TPH2: variants seen among roughly 807,000 people sequenced by gnomAD.
TPH2 encodes the protein tryptophan 5-hydroxylase 2.
A neutral mutation model predicts 59.1 loss-of-function variants in TPH2; 27 were observed. The ratio of observed to expected loss-of-function variants is 0.46; its 90% CI spans 0.34 to 0.63. TPH2 has a LOEUF of 0.63. Among genes scored for constraint, TPH2 ranks in the 30% least tolerant of loss-of-function variants. The pLI, the probability that TPH2 is intolerant of heterozygous loss-of-function variation, is 0.01. For missense variants in TPH2, 523 were observed against 588.3 expected (o/e 0.89, Z 1.15); for synonymous variants, 220 against 210.5 (o/e 1.05, Z -0.39).
At chr12:71,990,805 A>G (rs1566146164) in intron 7 of TPH2, among the ~76,000 whole-genome samples, 1 of 152,210 alleles carries the variant, frequency 6.6e-6, no homozygotes, top group Non-Finnish European at 1.5e-5. Context: ...GTTCTTTCTC[A>G]GGGTCTCTGC....
chr12:71,979,279 G>A (rs1428725913), intron 7 of TPH2, among the ~76,000 whole-genome samples, 192 bp downstream of exon 7: 1 of 152,178 alleles, frequency 6.6e-6, no homozygotes, highest in Non-Finnish European at 1.5e-5. Flanking sequence ...GGGGGCCCCT[G>A]ATATTCCAGC....
In TPH2 at chr12:72,031,984, G is replaced by A. The variant is rs958163500; in HGVS notation, c.*289G>A. 2.4e-6 allele frequency: 1 copy of A among 418,524 alleles called. No homozygotes were observed. The highest frequency in any genetic ancestry group is 2.0e-5 in the African/African-American group (1 of 49,432). The allele number at this position is 418,524 out of a possible 1,614,324, so 25.9% of individuals were successfully genotyped here. A position where few individuals can be genotyped will look rare whatever the true frequency, so the allele number is the denominator to read the frequency against. ...ACCAAACTGCATCTAGTTAAAATTTGTAACAAATAGCCCTCTTATGAGTCT... is the reference window on the plus strand; with the variant it reads ...ACCAAACTGCATCTAGTTAAAATTTATAACAAATAGCCCTCTTATGAGTCT... On this transcript the variant is annotated 3_prime_UTR_variant, in exon 11 of 11. Transcript: ENST00000333850.
Position 71,972,561 on chromosome 12 carries a change from T to A in TPH2, c.651T>A (p.Thr217=). The change falls in exon 6 of 11, where the codon ACT becomes ACA. Residue 217 remains threonine (T), a synonymous_variant. Coordinates refer to ENST00000333850, the MANE Select transcript of TPH2 (RefSeq NM_173353.4). ...IPRVEYTEEE[T]KTWGVVFREL... ...GGGTGGAGTATACTGAAGAAGAAACTAAAACTTGGGGTGTTGTATTCCGGG... is the reference window on the plus strand; with the variant it reads ...GGGTGGAGTATACTGAAGAAGAAACAAAAACTTGGGGTGTTGTATTCCGGG... 6.2e-7 allele frequency: 1 copy of A among 1,614,134 alleles called. No individual in the cohort carries two copies. The highest frequency in any genetic ancestry group is 8.5e-7 in the Non-Finnish European group (1 of 1,179,996).
chr12:72,012,802 CT>C (rs965516128), intron 8 of TPH2, among the ~76,000 whole-genome samples: 29 of 151,454 alleles, frequency 1.9e-4, no homozygotes, highest in African/African-American at 6.5e-4. Flanking sequence ...CTTTTTTCTT[CT>C]TTTTTTTTAT....
intron 9 of TPH2, 97 bp from the exon 10 acceptor site, chr12:72,031,161 G>C: frequency 6.7e-7 from 1 of 1,487,910 alleles, no homozygotes; most frequent in Non-Finnish European, 9.4e-7. Context: ...AGCTCTGTAG[G>C]ATTACCGAGC....
intron 8 of TPH2, among the ~76,000 whole-genome samples, chr12:72,007,887 C>G (rs551285751): frequency 6.6e-6 from 1 of 152,070 alleles, no homozygotes; most frequent in South Asian, 2.1e-4. Flanking sequence ...CTAGCAAAGG[C>G]ACACTCTTAT....
intron 8 of TPH2, among the ~76,000 whole-genome samples, chr12:71,998,434 T>C (rs763573781): frequency 1.1e-4 from 16 of 152,132 alleles, no homozygotes; most frequent in Admixed American, 2.6e-4. Flanking sequence ...TGCTATTGAC[T>C]TCAAGAGCCA....
intron 7 of TPH2, among the ~76,000 whole-genome samples, chr12:71,991,981 T>TA (rs900397207): frequency 4.6e-5 from 7 of 151,974 alleles, no homozygotes; most frequent in Non-Finnish European, 7.4e-5. Context: ...GGTGAGAGTT[T>TA]AAAAAAAATG....
At chr12:71,980,471 C>A (rs1465794883) in intron 7 of TPH2, among the ~76,000 whole-genome samples, 1 of 151,912 alleles carries the variant, frequency 6.6e-6, no homozygotes. Flanking sequence ...ATAAGGCTCA[C>A]AGTCCAGGTA....
At chr12:71,987,888 T>C (rs1306922628) in intron 7 of TPH2, among the ~76,000 whole-genome samples, 1 of 152,056 alleles carries the variant, frequency 6.6e-6, no homozygotes, top group East Asian at 1.9e-4. Flanking sequence ...AGAAGAAATC[T>C]TACAATCTCC....
intron 9 of TPH2, among the ~76,000 whole-genome samples, chr12:72,022,830 T>C (rs1248677743): frequency 2.0e-5 from 3 of 152,342 alleles, no homozygotes; most frequent in African/African-American, 7.2e-5. Flanking sequence ...TCCTACTGAC[T>C]GAAATTCACT....
At position 71,941,660 on chromosome 12, in the gene TPH2, G is replaced by A; in HGVS notation, c.182G>A (p.Ser61Asn). 1 of 1,614,130 alleles carries A rather than the reference G, an allele frequency of 6.2e-7. No individual in the cohort carries two copies. Among genetic ancestry groups the A allele is most frequent in the Non-Finnish European group, 8.5e-7 (1 of 1,179,988 alleles). The change falls in exon 2 of 11, where the codon AGT becomes AAT. Residue 61 changes from serine (S) to asparagine (N), a missense_variant. Physicochemically the swap from Ser to Asn is conservative, Grantham distance 46. Transcript: ENST00000333850. ...GSSKREAATE[S>N]GKTAVVFSLK... ...AGCAAACGTGAAGCTGCTACCGAAA[G>A]TGGCAAGACAGCAGTTGTTTTCTCC...
At chr12:71,939,202 C>G (rs896992774) in intron 1 of TPH2, 111 bp downstream of exon 1, 2 of 809,206 alleles carry the variant, frequency 2.5e-6, no homozygotes, top group Admixed American at 4.0e-5. Flanking sequence ...TCAAATTTCT[C>G]CTTCTTTATA....
chr12:71,958,380 T>C lies in TPH2; in HGVS notation c.608+8725T>C, dbSNP rs549071584. Among the ~76,000 whole-genome samples, 3 of 152,318 alleles carry C rather than the reference T, an allele frequency of 2.0e-5. No homozygotes were observed. In the South Asian group the frequency reaches 6.2e-4, roughly 32 times the overall value. ...TTCAGCAACTTCCACTTGACATAGG[T>C]GGTTTCATACACAAGTTGGGAATAA... On this transcript the variant is annotated intron_variant, in intron 5 of 10. Coordinates refer to ENST00000333850, the MANE Select transcript of TPH2 (RefSeq NM_173353.4).
intron 5 of TPH2, among the ~76,000 whole-genome samples, chr12:71,956,702 C>G (rs539821849): frequency 6.6e-6 from 1 of 151,984 alleles, no homozygotes; most frequent in Admixed American, 6.6e-5. Flanking sequence ...CTTGACCTAT[C>G]GGGCTCAGGT....
At chr12:71,976,324 G>A (rs187371551) in intron 6 of TPH2, among the ~76,000 whole-genome samples, 7 of 152,186 alleles carry the variant, frequency 4.6e-5, no homozygotes, top group Non-Finnish European at 7.4e-5. Context: ...TGGATATATC[G>A]CCTAGTTTGT....
chr12:71,950,712 C>T (rs984362646), intron 5 of TPH2, among the ~76,000 whole-genome samples: 5 of 152,036 alleles, frequency 3.3e-5, no homozygotes, highest in Non-Finnish European at 7.4e-5. Context: ...TCGTCCTACC[C>T]CAATTGAGAG....
rs142542834 is a variant in TPH2 at position 71,978,164 on chromosome 12, C to T, written c.806-788C>T. Reference sequence around the variant, plus strand: ...CAATGCATTTCCTAGAATGTATCCCCATTGTTAAGCAATGCACGACTCTAT... The same window carrying T: ...CAATGCATTTCCTAGAATGTATCCCTATTGTTAAGCAATGCACGACTCTAT... On this transcript the variant is annotated intron_variant, in intron 6 of 10. Coordinates refer to ENST00000333850, the MANE Select transcript of TPH2 (RefSeq NM_173353.4). 3.3e-5 allele frequency among the ~76,000 whole-genome samples: 5 copies of T among 151,924 alleles called. No individual in the cohort carries two copies. In the East Asian group the frequency reaches 5.8e-4, roughly 18 times the overall value.
chr12:71,975,495 C>T (rs1304273593), intron 6 of TPH2, among the ~76,000 whole-genome samples: 1 of 152,198 alleles, frequency 6.6e-6, no homozygotes, highest in African/African-American at 2.4e-5. Context: ...ATGTGAGGCC[C>T]TGACCCAGGT....
Sources: allele counts gnomAD v4.1 joint callset (sites outside exome capture counted in the v4.1 genomes callset), GRCh38; gene constraint gnomAD v4.1.1; transcripts MANE v1.5; gene names NCBI Gene and HGNC (gene_info 2026-07-23, HGNC 2026-07-21).